The following TPRN variants were observed in gnomAD, a reference collection of about 807,000 sequenced individuals.
TPRN encodes chromosome 9 open reading frame 75.
A neutral mutation model predicts 42.6 loss-of-function variants in TPRN; 32 were observed. That is an observed-to-expected ratio of 0.75 (90% CI 0.57 to 1.01). The LOEUF is 1.01. TPRN is among the 50% of genes least tolerant of loss of function. TPRN has a pLI of 0.00. For missense variants in TPRN, 1,095 were observed against 957.5 expected (o/e 1.14, Z -1.90); for synonymous variants, 541 against 445.6 (o/e 1.21, Z -2.70).
rs1434692013 is a variant in TPRN at position 137,199,052 on chromosome 9, C to G, written c.1660G>C (p.Val554Leu). 1 of 1,613,310 alleles carries G rather than the reference C, an allele frequency of 6.2e-7. No individual in the cohort carries two copies. The highest frequency in any genetic ancestry group is 1.1e-5 in the South Asian group (1 of 91,090). ...KRYPTVHEIE[V>L]IGGYLALQKS... ...TGCAGGGCCAGGTAGCCGCCAATCA[C>G]CTCGATCTCATGCACGGTGGGGTAG... is the stretch of plus-strand genomic sequence containing the variant. Residue 554 changes from valine (V) to leucine (L), a missense_variant, in exon 1 of 4, where the codon GTG (valine) becomes CTG (leucine). Coordinates refer to ENST00000409012, the MANE Select transcript of TPRN (RefSeq NM_001128228.3).
chr9:137,196,655 G>T (rs969000634), intron 1 of TPRN, among the ~76,000 whole-genome samples: 1 of 152,170 alleles, frequency 6.6e-6, no homozygotes, highest in Non-Finnish European at 1.5e-5. Context: ...ACCCGCAGGG[G>T]CACCTCGCAC....
Position 137,199,632 on chromosome 9 carries a change from C to T in TPRN, c.1080G>A (p.Pro360=). 1 of 1,564,776 alleles carries T rather than the reference C, an allele frequency of 6.4e-7. No individual in the cohort carries two copies. The highest frequency in any genetic ancestry group is 1.9e-5 in the Admixed American group (1 of 52,782). ...ATCCGAGCTCCTGGCTCGGGGAGGC[C>T]GGGCCCAGGTCTCCCTTTGGCAGCT... is the stretch of plus-strand genomic sequence containing the variant. ...SVELPKGDLG[P]ASPSQELGSQ... The change falls in exon 1 of 4, where the codon CCG becomes CCA. Residue 360 remains proline (P), a synonymous_variant. Transcript: ENST00000409012.
chr9:137,200,721 G>A lies in TPRN; in HGVS notation c.-10C>T. The A allele has an allele frequency of 8.7e-7, 1 of 1,145,296 alleles. No homozygotes were observed. The highest frequency in any genetic ancestry group is 1.1e-6 in the Non-Finnish European group (1 of 932,710). 70.9% of individuals were successfully genotyped at this position (1,145,296 alleles called of 1,614,324 possible). On this transcript the variant is annotated 5_prime_UTR_variant, in exon 1 of 4. Coordinates refer to ENST00000409012, the MANE Select transcript of TPRN (RefSeq NM_001128228.3). This position sits in a 1 kb window ranked among gnomAD's most constrained non-coding sequence, Gnocchi z 4.3. Reference sequence around the variant, plus strand: ...GCCCCAGGGCGGCCATGCTGCGAACGCGGCAGCGGACGGCTGGACTGAGGG... The same window carrying A: ...GCCCCAGGGCGGCCATGCTGCGAACACGGCAGCGGACGGCTGGACTGAGGG...
chr9:137,199,813 C>T lies in TPRN; in HGVS notation c.899G>A (p.Arg300Gln). ...ATSTNDSFEI[R>Q]PAPKPVMETI... ...CTCCATAACTGGCTTGGGGGCCGGC[C>T]GTATCTCGAAGGAGTCGTTGGTGCT... Residue 300 changes from arginine (R) to glutamine (Q), a missense_variant, in exon 1 of 4, where the codon CGG becomes CAG. Physicochemically the swap from Arg to Gln is conservative, Grantham distance 43. Transcript: ENST00000409012. 6.3e-7 allele frequency: 1 copy of T among 1,593,802 alleles called. No individual in the cohort carries two copies. Among genetic ancestry groups the T allele is most frequent in the South Asian group, 1.1e-5 (1 of 88,414 alleles).
Position 137,199,530 on chromosome 9 carries a change from G to T in TPRN, c.1182C>A (p.Val394=). ...CTGTCCTGGGACAGGCCCCCTCCTC[G>T]ACTGCCCACTGTGCCTCGACCTCCA... ...SPLEVEAQWA[V]EEGACPRTAT... The change falls in exon 1 of 4, where the codon GTC becomes GTA. Residue 394 remains valine, a synonymous_variant. Coordinates refer to ENST00000409012, the MANE Select transcript of TPRN (RefSeq NM_001128228.3). 1 of 1,568,336 alleles carries T rather than the reference G, an allele frequency of 6.4e-7. No individual in the cohort carries two copies.
chr9:137,194,793 G>C (rs1257751521), intron 1 of TPRN: 1 of 152,288 alleles, frequency 6.6e-6, no homozygotes, highest in Non-Finnish European at 1.5e-5. Context: ...GTGGGGACAG[G>C]ACACCCCGTG....
intron 1 of TPRN, among the ~76,000 whole-genome samples, chr9:137,195,788 C>T (rs760907527): frequency 6.6e-6 from 1 of 152,122 alleles, no homozygotes; most frequent in South Asian, 2.1e-4. Context: ...TGGTGCTCCA[C>T]GAAGAGGAAA....
intron 1 of TPRN, among the ~76,000 whole-genome samples, chr9:137,196,077 C>T (rs1295642029): frequency 6.6e-6 from 1 of 152,192 alleles, no homozygotes; most frequent in Non-Finnish European, 1.5e-5. Flanking sequence ...CCTGTGCAGG[C>T]ACAGCCAGCC....
Position 137,199,111 on chromosome 9 carries a change from G to GACT in TPRN, c.1600_1601insAGT (p.Ala534delinsGluSer). On this transcript the variant is annotated protein_altering_variant, in exon 1 of 4. Coordinates refer to ENST00000409012, the MANE Select transcript of TPRN (RefSeq NM_001128228.3). ...CAACGTGGGCCCCAGGAGGCAACTA[G>GACT]CCTCCTCCTCCTCGGCCTCCCGTGG... 6.2e-7 allele frequency: 1 copy of GACT among 1,613,230 alleles called. No individual in the cohort carries two copies. Among genetic ancestry groups the GACT allele is most frequent in the Non-Finnish European group, 8.5e-7 (1 of 1,179,984 alleles).
At position 137,199,293 on chromosome 9, in the gene TPRN, G is replaced by A; in HGVS notation, c.1419C>T (p.Pro473=). ...SEEAPQAAKL[P]YLPHPARPLH... ...GAGGCCTGGCAGGGTGCGGGAGGTA[G>A]GGTAGTTTGGCTGCTTGGGGGGCCT... Residue 473 remains proline, a synonymous_variant, in exon 1 of 4, where the codon CCC becomes CCT. Transcript: ENST00000409012. The A allele has an allele frequency of 6.2e-7, 1 of 1,612,474 alleles. No individual in the cohort carries two copies. The highest frequency in any genetic ancestry group is 1.1e-5 in the South Asian group (1 of 91,086).
At chr9:137,196,989 G>A (rs1015986533) in intron 1 of TPRN, among the ~76,000 whole-genome samples, 3 of 152,194 alleles carry the variant, frequency 2.0e-5, no homozygotes, top group Non-Finnish European at 4.4e-5. Context: ...CTGTTTCCCA[G>A]GCTCAGCCTC....
rs1021405223 is a variant in TPRN, at chr9:137,191,998, G to A, written c.*114C>T. 61 of 1,317,238 alleles carry A rather than the reference G, an allele frequency of 4.6e-5. No homozygotes were observed. Among genetic ancestry groups the A allele is most frequent in the Non-Finnish European group, 6.0e-5 (57 of 942,872 alleles). 81.6% of individuals were successfully genotyped at this position (1,317,238 alleles called of 1,614,324 possible). Reference sequence around the variant, plus strand: ...GCTGCTTCCAGGGCCAGGAGGGGTGGGTGGGATACAGTGAGGCCAAACAAG... The same window carrying A: ...GCTGCTTCCAGGGCCAGGAGGGGTGAGTGGGATACAGTGAGGCCAAACAAG... On this transcript the variant is annotated 3_prime_UTR_variant, in exon 4 of 4. Coordinates refer to ENST00000409012, the MANE Select transcript of TPRN (RefSeq NM_001128228.3).
intron 1 of TPRN, among the ~76,000 whole-genome samples, chr9:137,198,098 G>T (rs934807567): frequency 6.6e-6 from 1 of 152,130 alleles, no homozygotes; most frequent in African/African-American, 2.4e-5. Flanking sequence ...GCCAGCAATG[G>T]CTCTGGGGCA....
chr9:137,191,636 T>A lies in TPRN; in HGVS notation c.*476A>T. On this transcript the variant is annotated 3_prime_UTR_variant, in exon 4 of 4. Transcript: ENST00000409012. The stretch of plus-strand genomic sequence containing the variant: ...ACCAGCAGCCTTGTCCAGTGCTGTT[T>A]ATTGAGTCCATCATCAGAGGCAGGA... 3.3e-6 allele frequency: 1 copy of A among 302,832 alleles called. No homozygotes were observed. Among genetic ancestry groups the A allele is most frequent in the Non-Finnish European group, 6.6e-6 (1 of 151,610 alleles). 18.8% of individuals were successfully genotyped at this position (302,832 alleles called of 1,614,324 possible).
chr9:137,195,125 C>T (rs183206940), intron 1 of TPRN: 1,783 of 152,804 alleles, frequency 0.012, 19 homozygotes, highest in Non-Finnish European at 0.019. Context: ...AGCCCAGCCC[C>T]GCCTCTCCCT....
At position 137,199,680 on chromosome 9, in the gene TPRN, A is replaced by G. The variant is rs1834768658; in HGVS notation, c.1032T>C (p.Pro344=). The G allele has an allele frequency of 6.2e-7, 1 of 1,602,614 alleles. No individual in the cohort carries two copies. Among genetic ancestry groups the G allele is most frequent in the Admixed American group, 1.7e-5 (1 of 58,722 alleles). ...GCTCCACGGACTGCCTCCCCTCAGG[A>G]GGAGGAGCCCCGGAGGCCTTGCTCT... The part of the protein sequence containing the change: ...IPKSKASGAP[P]PEGRQSVELP... The change falls in exon 1 of 4, where the codon CCT becomes CCC. Residue 344 remains proline (P), a synonymous_variant. Coordinates refer to ENST00000409012, the MANE Select transcript of TPRN (RefSeq NM_001128228.3).
chr9:137,192,927 T>G, intron 1 of TPRN: 1 of 572,332 alleles, frequency 1.7e-6, no homozygotes. Flanking sequence ...GACCAAACGC[T>G]GACCAGGACC....
At chr9:137,192,212 G>A (rs759231138) in intron 3 of TPRN, 38 bp from the exon 4 acceptor site, 52 of 1,613,138 alleles carry the variant, frequency 3.2e-5, no homozygotes, top group South Asian at 4.4e-5. Context: ...ACATGGGCTC[G>A]CCCGGGTGTC....
At position 137,200,363 on chromosome 9, in the gene TPRN, G is replaced by T. The variant is rs894541189; in HGVS notation, c.349C>A (p.Gln117Lys). 5 of 1,061,772 alleles carry T rather than the reference G, an allele frequency of 4.7e-6. No homozygotes were observed. The African/African-American group carries it at 7.0e-5, about 15-fold the overall frequency. 65.8% of individuals were successfully genotyped at this position (1,061,772 alleles called of 1,614,324 possible). ...PPAPPAPGAA[Q>K]IRAAEVLVYG... is the part of the protein sequence containing the mutation. ...ACCAGCACCTCGGCGGCGCGGATCT[G>T]CGCGGCCCCCGGGGCGGGCGGCGCG... Residue 117 changes from glutamine to lysine, a missense_variant, in exon 1 of 4, where the codon CAG becomes AAG. Coordinates refer to ENST00000409012, the MANE Select transcript of TPRN (RefSeq NM_001128228.3). This position sits in a 1 kb window ranked among gnomAD's most constrained non-coding sequence, Gnocchi z 4.3.
Sources: gnomAD v4.1 joint callset for allele counts (sites outside exome capture counted in the v4.1 genomes callset) on GRCh38, gnomAD v4.1.1 for gene constraint, Gnocchi (gnomAD v3.1) non-coding constraint, MANE v1.5 for transcripts, NCBI Gene and HGNC (gene_info 2026-07-23, HGNC 2026-07-21) for gene names.